The following TDRD3 variants were observed in gnomAD, a reference collection of about 807,000 sequenced individuals.
The protein encoded by TDRD3 is tudor domain-containing protein 3.
In TDRD3, 45 loss-of-function variants were observed where a neutral mutation model predicts 86.7. The observed-to-expected ratio is 0.52, with a 90% CI of 0.41 to 0.67. The LOEUF is 0.67. TDRD3 is among the 30% of genes least tolerant of loss of function. TDRD3 has a pLI of 0.00. For synonymous variants in TDRD3, 298 were observed against 301.7 expected, an observed-to-expected ratio of 0.99 and a Z score of 0.13; for missense variants, 814 against 889.0, an observed-to-expected ratio of 0.92 and a Z score of 1.07.
intron 10 of TDRD3, among the ~76,000 whole-genome samples, chr13:60,518,984 A>G (rs1957229820): frequency 2.6e-5 from 4 of 152,212 alleles, no homozygotes; most frequent in African/African-American, 9.6e-5. Flanking sequence ...AGTAAACTGA[A>G]GAAGTTTCCT....
At chr13:60,492,584 G>A (rs1220191083) in intron 7 of TDRD3, among the ~76,000 whole-genome samples, 2 of 152,170 alleles carry the variant, frequency 1.3e-5, no homozygotes, top group Non-Finnish European at 1.5e-5. Flanking sequence ...GTGCTTAACT[G>A]TGCTACCTTG....
intron 5 of TDRD3, among the ~76,000 whole-genome samples, chr13:60,469,663 A>G (rs1956033365): frequency 6.6e-6 from 1 of 152,160 alleles, no homozygotes; most frequent in Non-Finnish European, 1.5e-5. Flanking sequence ...GGAAACAGGG[A>G]AAGTGCAGTT....
intron 10 of TDRD3, among the ~76,000 whole-genome samples, chr13:60,524,910 A>T (rs1449582639): frequency 6.6e-6 from 1 of 151,536 alleles, no homozygotes; most frequent in East Asian, 2.0e-4. Context: ...CAGTCTGGCC[A>T]ACCCCGTCTC....
At position 60,549,697 on chromosome 13, in the gene TDRD3, G is replaced by C. The variant is rs372275896; in HGVS notation, c.2118+14464G>C. Among the ~76,000 whole-genome samples, 11 of 152,092 alleles carry C rather than the reference G, an allele frequency of 7.2e-5. No individual in the cohort carries two copies. The East Asian group carries it at 2.1e-3, about 29-fold the overall frequency. ...ATCTCAGTAAAGAAAGTAAGAAAAC[G>C]TAGAAAATAATTTTGTTTAAACTTT... On this transcript the variant is annotated intron_variant, in intron 12 of 13. Transcript: ENST00000377881.
chr13:60,531,122 A>G (rs1957573068), intron 11 of TDRD3, among the ~76,000 whole-genome samples: 1 of 152,224 alleles, frequency 6.6e-6, no homozygotes, highest in Non-Finnish European at 1.5e-5. Context: ...AAAGAAGGGA[A>G]GAGACAGCAC....
chr13:60,547,540 T>A (rs1432073581), intron 12 of TDRD3: 1 of 313,304 alleles, frequency 3.2e-6, no homozygotes, highest in Non-Finnish European at 4.6e-6. Flanking sequence ...AGGATTGTTG[T>A]GAGAATTAAA....
intron 3 of TDRD3, among the ~76,000 whole-genome samples, chr13:60,454,592 C>T (rs1327741518): frequency 2.0e-5 from 3 of 151,980 alleles, no homozygotes; most frequent in Non-Finnish European, 4.4e-5. Context: ...TGCTACTTGA[C>T]TTACAGTGAG....
chr13:60,427,573 C>T (rs1032511753), intron 1 of TDRD3, among the ~76,000 whole-genome samples: 8 of 152,120 alleles, frequency 5.3e-5, no homozygotes, highest in African/African-American at 1.4e-4. Context: ...CCCCTCTCTA[C>T]GTCTTTCCTT....
chr13:60,540,486 G>C (rs1202095459), intron 12 of TDRD3, among the ~76,000 whole-genome samples: 2 of 152,122 alleles, frequency 1.3e-5, no homozygotes, highest in African/African-American at 4.8e-5. Flanking sequence ...GACACAGAAG[G>C]ACAGAGCATT....
chr13:60,493,255 T>G (rs1172227890), intron 7 of TDRD3, among the ~76,000 whole-genome samples: 1 of 152,150 alleles, frequency 6.6e-6, no homozygotes, highest in African/African-American at 2.4e-5. Flanking sequence ...TATATATAAT[T>G]TATATGTAAG....
At position 60,529,407 on chromosome 13, in the gene TDRD3, C is replaced by T. The variant is rs542346332; in HGVS notation, c.1992+190C>T. Among the ~76,000 whole-genome samples, 3 of 152,208 alleles carry T rather than the reference C, an allele frequency of 2.0e-5. No homozygotes were observed. The South Asian group carries it at 6.2e-4, about 31-fold the overall frequency. ...TAATATTTTTATGGATGCCTAGGGA[C>T]AATCTGTCCCGTAAGATTTGGTTAA... On this transcript the variant is annotated intron_variant, in intron 11 of 13. Transcript: ENST00000377881.
intron 1 of TDRD3, 44 bp downstream of exon 1, chr13:60,397,449 C>T (rs765613526): frequency 6.8e-7 from 1 of 1,466,694 alleles, no homozygotes; most frequent in East Asian, 2.8e-5. Context: ...GGGTGCGGGC[C>T]GGGGCCCCAG....
intron 1 of TDRD3, among the ~76,000 whole-genome samples, chr13:60,412,890 T>C (rs896660876): frequency 6.6e-6 from 1 of 152,172 alleles, no homozygotes; most frequent in Non-Finnish European, 1.5e-5. Flanking sequence ...CAAAAGTATA[T>C]GTAAAATATG....
At position 60,418,735 on chromosome 13, in the gene TDRD3, C is replaced by G. The variant is rs75678928; in HGVS notation, c.42-20953C>G. ...TCACCCAAGAAAGTTTTCTCCTGCT[C>G]TGTTCCTTCTGTGCCCACAGATAGT... On this transcript the variant is annotated intron_variant, in intron 1 of 13. Transcript: ENST00000377881. 1.8e-4 allele frequency among the ~76,000 whole-genome samples: 27 copies of G among 152,294 alleles called. 1 individual carries two copies. The highest frequency in any genetic ancestry group is 6.5e-4 in the African/African-American group (27 of 41,548).
intron 12 of TDRD3, among the ~76,000 whole-genome samples, chr13:60,543,194 AACATAATGAAG>A (rs1957856281): frequency 6.6e-6 from 1 of 152,182 alleles, no homozygotes; most frequent in African/African-American, 2.4e-5. Context: ...AATAAGAGTA[AACATAATGAAG>A]AGGTTCTAGT....
At chr13:60,477,803 G>A (rs370647748) in intron 5 of TDRD3, among the ~76,000 whole-genome samples, 50 of 152,252 alleles carry the variant, frequency 3.3e-4, no homozygotes, top group African/African-American at 1.1e-3. Context: ...TCTCATCTAC[G>A]TGCATCAGGA....
chr13:60,476,373 G>A (rs1269031355), intron 5 of TDRD3, among the ~76,000 whole-genome samples: 2 of 151,944 alleles, frequency 1.3e-5, no homozygotes, highest in Non-Finnish European at 2.9e-5. Context: ...TTATTTCTAG[G>A]TTCTTTATCC....
intron 1 of TDRD3, among the ~76,000 whole-genome samples, chr13:60,424,920 A>G (rs2137887632): frequency 6.6e-6 from 1 of 152,252 alleles, no homozygotes; most frequent in East Asian, 1.9e-4. Context: ...TCTTTCATTT[A>G]GCATAACATT....
rs544622581 is a variant in TDRD3 at position 60,567,543 on chromosome 13, G to A, written c.2137G>A (p.Asp713Asn). ...TEAWEEEGTY[D>N]QTLEFRRGGD... Reference sequence around the variant, plus strand: ...CAAATAGGAGGAAGAAGGCACCTACGATCAAACTCTGGAGTTCCGTAGGGG... The same window carrying A: ...CAAATAGGAGGAAGAAGGCACCTACAATCAAACTCTGGAGTTCCGTAGGGG... The change falls in exon 13 of 14, where the codon GAT becomes AAT. Residue 713 changes from aspartate to asparagine, a missense_variant. Transcript: ENST00000377881. 3.3e-5 allele frequency: 54 copies of A among 1,614,010 alleles called. No homozygotes were observed. The African/African-American group carries it at 4.5e-4, about 14-fold the overall frequency.
Sources: allele counts gnomAD v4.1 joint callset (sites outside exome capture counted in the v4.1 genomes callset), GRCh38; gene constraint gnomAD v4.1.1; transcripts MANE v1.5; gene names NCBI Gene and HGNC (gene_info 2026-07-23, HGNC 2026-07-21).